GSE1: variants seen among roughly 807,000 people sequenced by gnomAD.
The protein encoded by GSE1 is genetic suppressor element 1.
A neutral mutation model predicts 112.6 loss-of-function variants in GSE1; 32 were observed. That is an observed-to-expected ratio of 0.28 (90% confidence interval 0.21 to 0.38). The LOEUF (loss-of-function observed/expected upper bound fraction) is 0.38, where lower values mean the gene tolerates loss of function less well. Ranked by LOEUF, GSE1 falls within the 10% of genes least tolerant of loss-of-function variation. The pLI, the probability that GSE1 is intolerant of heterozygous loss-of-function variation, is 1.00. For missense variants in GSE1, 2,348 were observed against 1,699.2 expected, an observed-to-expected ratio of 1.38 and a Z score of -6.71; for synonymous variants, 1,115 against 735.6, an observed-to-expected ratio of 1.52 and a Z score of -8.35.
At chr16:85,652,539 G>A (rs34341288) in intron 3 of GSE1, among the ~76,000 whole-genome samples, 27,922 of 142,100 alleles carry the variant, frequency 0.2, 3,169 homozygotes, top group Non-Finnish European at 0.27. Context: ...TCTCATTGAA[G>A]ATTCCAGGCG....
At chr16:85,485,890 C>G (rs534802228) in intron 2 of GSE1, among the ~76,000 whole-genome samples, 31 of 152,220 alleles carry the variant, frequency 2.0e-4, no homozygotes, top group Non-Finnish European at 3.7e-4. Flanking sequence ...GTTCTTCCCC[C>G]AAACACACAC....
intron 1 of GSE1, among the ~76,000 whole-genome samples, chr16:85,349,643 C>T (rs532362992): frequency 4.6e-5 from 7 of 152,186 alleles, no homozygotes; most frequent in Admixed American, 1.3e-4. Context: ...AAGGGACTGT[C>T]TTTCCCCCTA....
At chr16:85,363,872 G>C (rs758700569) in intron 2 of GSE1, among the ~76,000 whole-genome samples, 15 of 152,180 alleles carry the variant, frequency 9.9e-5, no homozygotes, top group Non-Finnish European at 1.9e-4. Context: ...ACTCTGGGCT[G>C]ATCCAGAAGG....
intron 2 of GSE1, among the ~76,000 whole-genome samples, chr16:85,375,392 G>A (rs981886514): frequency 6.6e-6 from 1 of 152,126 alleles, no homozygotes; most frequent in African/African-American, 2.4e-5. Context: ...GGAGGTTCCC[G>A]CCTCATCTTC....
At chr16:85,398,055 A>G (rs2048009151) in intron 2 of GSE1, among the ~76,000 whole-genome samples, 1 of 151,936 alleles carries the variant, frequency 6.6e-6, no homozygotes, top group Admixed American at 6.5e-5. Context: ...GCAGGAGAGG[A>G]CCCTAGGGAA....
intron 1 of GSE1, among the ~76,000 whole-genome samples, chr16:85,604,638 G>C (rs1271609740): frequency 7.2e-6 from 1 of 138,026 alleles, no homozygotes; most frequent in Non-Finnish European, 1.5e-5. Flanking sequence ...TTTTAAAGAT[G>C]CACCTTCTGA....
chr16:85,355,402 C>T (rs1279987638), intron 1 of GSE1, among the ~76,000 whole-genome samples: 1 of 152,140 alleles, frequency 6.6e-6, no homozygotes, highest in Non-Finnish European at 1.5e-5. Context: ...AGGCCCTTAG[C>T]CTCCCACACC....
At chr16:85,491,524 G>A (rs1411625481) in intron 2 of GSE1, among the ~76,000 whole-genome samples, 1 of 152,204 alleles carries the variant, frequency 6.6e-6, no homozygotes, top group Admixed American at 6.5e-5. Flanking sequence ...CTCAGAAGCT[G>A]CCCTCTGGCA....
At position 85,274,439 on chromosome 16, in the gene GSE1, G is replaced by T. The variant is rs562835240; in HGVS notation, c.2284-83024G>T. ...AAATAAAAGAGGGAAAGAGTGTATT[G>T]ATGTATTTATCGAGCACTCGGCCAG... On this transcript the variant is annotated intron_variant, in intron 1 of 2. Coordinates refer to the GSE1 transcript ENST00000637419. Among the ~76,000 whole-genome samples, 3 of 149,484 alleles carry T rather than the reference G, an allele frequency of 2.0e-5. No individual in the cohort carries two copies. In the East Asian group the frequency reaches 6.1e-4, roughly 30 times the overall value.
At chr16:85,633,696 G>C (rs1272642524) in intron 1 of GSE1, among the ~76,000 whole-genome samples, 2 of 152,300 alleles carry the variant, frequency 1.3e-5, no homozygotes, top group South Asian at 4.1e-4. Context: ...GGTCCTGGGG[G>C]CCTCTTGGGT....
chr16:85,643,301 G>A (rs1193021141), intron 2 of GSE1, among the ~76,000 whole-genome samples: 5 of 152,126 alleles, frequency 3.3e-5, no homozygotes, highest in Non-Finnish European at 5.9e-5. Context: ...CCAGCCACGC[G>A]GTGAGAATGA....
intron 2 of GSE1, among the ~76,000 whole-genome samples, chr16:85,508,799 C>T (rs1349141000): frequency 9.2e-5 from 14 of 152,162 alleles, no homozygotes; most frequent in Non-Finnish European, 2.1e-4. Context: ...GAACTGGGGT[C>T]CTTGAACTTC....
chr16:85,505,669 C>T (rs930383932), intron 2 of GSE1, among the ~76,000 whole-genome samples: 1 of 152,096 alleles, frequency 6.6e-6, no homozygotes. Context: ...ACCCCTAATA[C>T]ATGATTGTGA....
chr16:85,364,399 C>T (rs145198409), intron 2 of GSE1, among the ~76,000 whole-genome samples: 35 of 152,318 alleles, frequency 2.3e-4, no homozygotes, highest in Admixed American at 8.5e-4. Flanking sequence ...TCCCCTTTTC[C>T]CAGGTAAGGT....
intron 2 of GSE1, among the ~76,000 whole-genome samples, chr16:85,393,462 C>T (rs181453701): frequency 1.3e-5 from 2 of 152,356 alleles, no homozygotes; most frequent in African/African-American, 4.8e-5. Context: ...ACAGCTCCGT[C>T]TCACACAGTA....
Position 85,436,107 on chromosome 16 carries a change from C to T in GSE1, c.2464+78464C>T, listed in dbSNP as rs552238699. The stretch of plus-strand genomic sequence containing the variant: ...CCCAACCTCTACAGCCTTCCAGAAA[C>T]GTTAGGAGTCAGGGGTCACTGAGTG... On this transcript the variant is annotated intron_variant, in intron 2 of 2. Transcript: ENST00000637419. 1.1e-3 allele frequency among the ~76,000 whole-genome samples: 163 copies of T among 152,292 alleles called. 1 individual carries two copies. The highest frequency in any genetic ancestry group is 3.7e-3 in the African/African-American group (153 of 41,554).
chr16:85,596,241 C>T (rs529935609), intron 1 of GSE1, among the ~76,000 whole-genome samples: 6 of 152,288 alleles, frequency 3.9e-5, no homozygotes, highest in South Asian at 2.1e-4. Context: ...GTCCGCCTAA[C>T]GTGAGGGGAG....
intron 1 of GSE1, among the ~76,000 whole-genome samples, chr16:85,557,964 T>C (rs1285373745): frequency 6.7e-6 from 1 of 150,160 alleles, no homozygotes; most frequent in Admixed American, 6.7e-5. Flanking sequence ...ATTCTTGATC[T>C]TTTTTTTTTC....
chr16:85,672,810 A>G lies in GSE1; in HGVS notation c.*271A>G, dbSNP rs1055080228. 1.1e-4 allele frequency: 29 copies of G among 258,436 alleles called. No individual in the cohort carries two copies. The highest frequency in any genetic ancestry group is 1.9e-4 in the Non-Finnish European group (26 of 134,204). 16.0% of individuals were successfully genotyped at this position (258,436 alleles called of 1,614,324 possible). A position where few individuals can be genotyped will look rare whatever the true frequency, so the allele number is the denominator to read the frequency against. The stretch of plus-strand genomic sequence containing the variant: ...GTGGTTTTCGCCCTTCCTCTCCCAC[A>G]TTATTTCTTAATCTGAACATGAAGG... On this transcript the variant is annotated 3_prime_UTR_variant, in exon 16 of 16. Coordinates refer to ENST00000253458, the MANE Select transcript of GSE1 (RefSeq NM_014615.5).
Sources: gnomAD v4.1 joint callset for allele counts (sites outside exome capture counted in the v4.1 genomes callset) on GRCh38, gnomAD v4.1.1 for gene constraint, MANE v1.5 for transcripts, NCBI Gene and HGNC (gene_info 2026-07-23, HGNC 2026-07-21) for gene names.